EEPD1: variants seen among roughly 807,000 people sequenced by gnomAD.
EEPD1 encodes endonuclease/exonuclease/phosphatase family domain-containing protein 1.
EEPD1 carries 17 observed loss-of-function variants against 46.3 expected under a neutral mutation model. The ratio of observed to expected loss-of-function variants is 0.37; its 90% CI spans 0.25 to 0.55. The LOEUF is 0.55. Among genes scored for constraint, EEPD1 ranks in the 20% least tolerant of loss-of-function variants. The pLI is 0.83. For synonymous variants in EEPD1, 313 were observed against 315.6 expected (o/e 0.99, Z 0.09); for missense variants, 673 against 745.6 (o/e 0.90, Z 1.13).
chr7:36,233,739 T>C (rs144111360), intron 2 of EEPD1, among the ~76,000 whole-genome samples: 160 of 152,240 alleles, frequency 1.1e-3, no homozygotes, highest in Middle Eastern at 3.4e-3. Context: ...CAGATGGTGT[T>C]GGAAAGATCC....
intron 3 of EEPD1, among the ~76,000 whole-genome samples, chr7:36,254,290 C>T (rs938525169): frequency 2.0e-5 from 3 of 152,124 alleles, no homozygotes; most frequent in African/African-American, 7.2e-5. Flanking sequence ...CCCCCGACTC[C>T]CTGACAGGCC....
At chr7:36,173,448 G>A (rs922318574) in intron 2 of EEPD1, among the ~76,000 whole-genome samples, 3 of 151,168 alleles carry the variant, frequency 2.0e-5, no homozygotes, top group African/African-American at 7.3e-5. Flanking sequence ...GCAGTGAGCT[G>A]AGATTGCACC....
At chr7:36,296,135 A>G (rs932392056) in intron 6 of EEPD1, among the ~76,000 whole-genome samples, 11 of 151,468 alleles carry the variant, frequency 7.3e-5, no homozygotes, top group African/African-American at 2.7e-4. Context: ...GGAAAATGGT[A>G]CATTATGTGC....
chr7:36,177,031 G>C (rs1785193824), intron 2 of EEPD1, among the ~76,000 whole-genome samples: 1 of 152,122 alleles, frequency 6.6e-6, no homozygotes, highest in African/African-American at 2.4e-5. Flanking sequence ...CTGGGAATAG[G>C]GATTGACTGC....
At chr7:36,271,798 C>CCTATT (rs60205065) in intron 3 of EEPD1, among the ~76,000 whole-genome samples, 1,555 of 132,378 alleles carry the variant, frequency 0.012, 38 homozygotes, top group East Asian at 0.016. Context: ...ACATAAGCCT[C>CCTATT]CTATTCTATT....
rs1554308596 is a variant in EEPD1, at chr7:36,160,679, G to GA, written c.878+5477_878+5478insA. Among the ~76,000 whole-genome samples the GA allele has an allele frequency of 4.5e-4, 52 of 115,764 alleles. 1 individual carries two copies. The highest frequency in any genetic ancestry group is 1.7e-3 in the African/African-American group (51 of 29,522). The allele number at this position is 115,764 out of a possible 152,430, so 75.9% of individuals were successfully genotyped here. A position where few individuals can be genotyped will look rare whatever the true frequency, so the allele number is the denominator to read the frequency against. ...TAGTCTGACTGCTGGGAGGTGGTGG[G>GA]GGGCGGGGCGTGCATGGAGAGGGTC... On this transcript the variant is annotated intron_variant, in intron 2 of 7. Coordinates refer to ENST00000242108, the MANE Select transcript of EEPD1 (RefSeq NM_030636.3).
chr7:36,244,375 C>G lies in EEPD1; in HGVS notation c.930+5339C>G, dbSNP rs903526209. Among the ~76,000 whole-genome samples, 6 of 152,272 alleles carry G rather than the reference C, an allele frequency of 3.9e-5. No homozygotes were observed. The East Asian group carries it at 7.7e-4, about 20-fold the overall frequency. The stretch of plus-strand genomic sequence containing the variant: ...ATAAAAGATTTAAATTATGTAAAAC[C>G]TAATATAAAAAGCTAAAAAGAAGTA... On this transcript the variant is annotated intron_variant, in intron 3 of 7. Transcript: ENST00000242108.
intron 2 of EEPD1, among the ~76,000 whole-genome samples, chr7:36,192,672 C>G (rs1785481505): frequency 6.6e-6 from 1 of 152,180 alleles, no homozygotes; most frequent in Admixed American, 6.5e-5. Flanking sequence ...TATGAAATAG[C>G]CTATTATATA....
rs1454682498 is a variant in EEPD1 at position 36,256,829 on chromosome 7, G to C, written c.930+17793G>C. Among the ~76,000 whole-genome samples the C allele has an allele frequency of 3.3e-5, 5 of 152,144 alleles. No homozygotes were observed. In the East Asian group the frequency reaches 7.7e-4, roughly 23 times the overall value. On this transcript the variant is annotated intron_variant, in intron 3 of 7. Coordinates refer to ENST00000242108, the MANE Select transcript of EEPD1 (RefSeq NM_030636.3). ...GACATTTAGCCCATTTACATTTAAG[G>C]TTAATATTGTTATGTGTGAATTTAA...
At chr7:36,190,139 A>G (rs1480203169) in intron 2 of EEPD1, among the ~76,000 whole-genome samples, 1 of 152,248 alleles carries the variant, frequency 6.6e-6, no homozygotes. Flanking sequence ...TGGGAAGCCA[A>G]GATGAGAGGA....
At chr7:36,293,816 T>C (rs1787483854) in intron 6 of EEPD1, among the ~76,000 whole-genome samples, 1 of 151,902 alleles carries the variant, frequency 6.6e-6, no homozygotes, top group Admixed American at 6.6e-5. Flanking sequence ...ATACAAAAAT[T>C]AGCCAGGCGC....
At chr7:36,166,553 T>C (rs1231404341) in intron 2 of EEPD1, among the ~76,000 whole-genome samples, 1 of 148,422 alleles carries the variant, frequency 6.7e-6, no homozygotes, top group African/African-American at 2.5e-5. Context: ...AGACCCCTTC[T>C]CTACAAACAA....
intron 2 of EEPD1, among the ~76,000 whole-genome samples, chr7:36,199,224 G>C (rs1785668664): frequency 1.3e-5 from 2 of 152,052 alleles, no homozygotes; most frequent in Admixed American, 1.3e-4. Flanking sequence ...ATTTATCAAG[G>C]TGGCCCTCAC....
At chr7:36,280,501 CTG>C (rs1787244835) in intron 3 of EEPD1, among the ~76,000 whole-genome samples, 1 of 152,240 alleles carries the variant, frequency 6.6e-6, no homozygotes, top group Non-Finnish European at 1.5e-5. Context: ...CCTCATCCTA[CTG>C]TGTGCAATTT....
rs767224444 is a variant in EEPD1, at chr7:36,154,825, G to A, written c.501G>A (p.Glu167=). 1.9e-6 allele frequency: 3 copies of A among 1,614,234 alleles called. No homozygotes were observed. The South Asian group carries it at 3.3e-5, about 18-fold the overall frequency. The part of the protein sequence containing the change: ...MALSIVDFRR[E]HGPFRSVEDL... ...TCAGCATCGTGGACTTCCGCCGTGA[G>A]CATGGGCCCTTTCGCAGCGTTGAGG... Residue 167 remains glutamate (E), a synonymous_variant, in exon 2 of 8, where the codon GAG becomes GAA. Transcript: ENST00000242108. The surrounding 1 kb of genome is among the most constrained non-coding windows in gnomAD (Gnocchi z 4.2).
chr7:36,187,909 G>T (rs1256309938), intron 2 of EEPD1, among the ~76,000 whole-genome samples: 1 of 152,186 alleles, frequency 6.6e-6, no homozygotes, highest in African/African-American at 2.4e-5. Flanking sequence ...CGATTCTCCT[G>T]CCTCAGCCTC....
intron 2 of EEPD1, among the ~76,000 whole-genome samples, chr7:36,165,706 G>A (rs1784972197): frequency 1.3e-5 from 2 of 151,830 alleles, no homozygotes; most frequent in South Asian, 2.1e-4. Context: ...CAAAGTGCTG[G>A]GATTACAGGC....
intron 2 of EEPD1, among the ~76,000 whole-genome samples, chr7:36,184,247 C>A (rs891241991): frequency 1.3e-5 from 2 of 152,176 alleles, no homozygotes; most frequent in South Asian, 4.2e-4. Flanking sequence ...AAGTATTATT[C>A]TTTTTTGTAT....
chr7:36,204,154 C>A (rs1785770049), intron 2 of EEPD1, among the ~76,000 whole-genome samples: 1 of 151,622 alleles, frequency 6.6e-6, no homozygotes, highest in African/African-American at 2.4e-5. Flanking sequence ...CCCATCTCAG[C>A]CCTCTGAGTA....
Sources: allele counts gnomAD v4.1 joint callset (sites outside exome capture counted in the v4.1 genomes callset), GRCh38; gene constraint gnomAD v4.1.1; non-coding constraint Gnocchi (gnomAD v3.1); transcripts MANE v1.5; gene names NCBI Gene and HGNC (gene_info 2026-07-23, HGNC 2026-07-21).